The following SLC2A13 variants were observed in gnomAD, a reference collection of about 807,000 sequenced individuals.
SLC2A13 encodes proton myo-inositol cotransporter.
A neutral mutation model predicts 64.4 loss-of-function variants in SLC2A13; 32 were observed. The observed-to-expected ratio is 0.50, with a 90% CI of 0.37 to 0.67. The LOEUF (loss-of-function observed/expected upper bound fraction) is 0.67. Ranked by LOEUF, SLC2A13 falls within the 30% of genes least tolerant of loss-of-function variation. The pLI is 0.00. For missense variants in SLC2A13, 743 were observed against 829.2 expected (o/e 0.90, Z 1.28); for synonymous variants, 338 against 327.1 (o/e 1.03, Z -0.36).
rs139412041 is a variant in SLC2A13 at position 40,099,591 on chromosome 12, G to A, written c.556+5662C>T. 3.5e-4 allele frequency among the ~76,000 whole-genome samples: 54 copies of A among 152,252 alleles called. No individual in the cohort carries two copies. In the South Asian group the frequency reaches 4.6e-3, roughly 13 times the overall value. ...GCACAATGTTTTCCAAGGAAGTCAC[G>A]TGAACAATTTCACATAACTCACGTT... On this transcript the variant is annotated intron_variant, in intron 1 of 9. Transcript: ENST00000280871.
intron 2 of SLC2A13, among the ~76,000 whole-genome samples, chr12:40,039,248 GCCACACCAGCCTT>G (rs1948041456): frequency 1.3e-5 from 2 of 151,988 alleles, no homozygotes; most frequent in Admixed American, 6.5e-5. Flanking sequence ...TATTAATATA[GCCACACCAGCCTT>G]CCTATACTCA....
chr12:39,770,507 C>T lies in SLC2A13; in HGVS notation c.1446-5649G>A, dbSNP rs562394856. ...ATAACAGTTATGAACAAAATACCAA[C>T]CAGTGCATTTGTAGAACCTTGAGTT... On this transcript the variant is annotated intron_variant, in intron 7 of 9. Transcript: ENST00000280871. 2.6e-4 allele frequency among the ~76,000 whole-genome samples: 39 copies of T among 152,268 alleles called. No individual in the cohort carries two copies. In the South Asian group the frequency reaches 4.1e-3, roughly 16 times the overall value.
chr12:39,871,382 G>A (rs1314423276), intron 5 of SLC2A13, among the ~76,000 whole-genome samples: 2 of 151,722 alleles, frequency 1.3e-5, no homozygotes, highest in Admixed American at 1.3e-4. Context: ...AAAGAGCTTT[G>A]AAAAAATGCT....
At chr12:40,090,595 T>A (rs1433963382) in intron 1 of SLC2A13, among the ~76,000 whole-genome samples, 1 of 152,194 alleles carries the variant, frequency 6.6e-6, no homozygotes, top group Non-Finnish European at 1.5e-5. Context: ...ATATTCATGT[T>A]TATTTGAAAA....
intron 4 of SLC2A13, among the ~76,000 whole-genome samples, chr12:39,887,176 A>G (rs1944484511): frequency 6.6e-6 from 1 of 152,222 alleles, no homozygotes; most frequent in South Asian, 2.1e-4. Flanking sequence ...AAGTATTTTC[A>G]TTTTTGATAA....
chr12:40,074,471 ATTC>A (rs555571537), intron 1 of SLC2A13, among the ~76,000 whole-genome samples: 161 of 152,114 alleles, frequency 1.1e-3, no homozygotes, highest in African/African-American at 3.8e-3. Flanking sequence ...CCAGCCCCAT[ATTC>A]TTCATTTCTG....
chr12:39,889,987 T>C (rs1944564349), intron 4 of SLC2A13, among the ~76,000 whole-genome samples: 1 of 152,196 alleles, frequency 6.6e-6, no homozygotes, highest in South Asian at 2.1e-4. Context: ...ATTTTACACT[T>C]CTACATAGTA....
intron 7 of SLC2A13, among the ~76,000 whole-genome samples, chr12:39,801,338 TTAAAAAAAA>T (rs1446494789): frequency 1.1e-4 from 2 of 17,672 alleles, no homozygotes; most frequent in African/African-American, 4.7e-4. Flanking sequence ...AATGAGGAAA[TTAAAAAAAA>T]AAAAAAAAAA....
chr12:40,027,675 G>A (rs2073443077), intron 3 of SLC2A13, among the ~76,000 whole-genome samples: 1 of 152,192 alleles, frequency 6.6e-6, no homozygotes, highest in Non-Finnish European at 1.5e-5. Context: ...GCAAAAGGAA[G>A]CGCAAGAGAA....
intron 1 of SLC2A13, among the ~76,000 whole-genome samples, chr12:40,090,855 A>T (rs1938743604): frequency 6.6e-6 from 1 of 152,220 alleles, no homozygotes; most frequent in South Asian, 2.1e-4. Flanking sequence ...TATATTATCT[A>T]TGAAGAAGTA....
intron 3 of SLC2A13, among the ~76,000 whole-genome samples, chr12:39,989,506 A>G (rs763611260): frequency 2.6e-4 from 40 of 152,262 alleles, no homozygotes; most frequent in Middle Eastern, 3.4e-3. Flanking sequence ...AGTGCCCCCA[A>G]TGGTGCCTGG....
At chr12:39,956,149 A>C (rs1946311102) in intron 3 of SLC2A13, among the ~76,000 whole-genome samples, 1 of 152,166 alleles carries the variant, frequency 6.6e-6, no homozygotes, top group South Asian at 2.1e-4. Flanking sequence ...AATTCCCTAA[A>C]AGATACAATC....
chr12:39,821,078 GTACTATTA>G (rs1203524090), intron 7 of SLC2A13, among the ~76,000 whole-genome samples: 1 of 151,876 alleles, frequency 6.6e-6, no homozygotes, highest in Admixed American at 6.6e-5. Flanking sequence ...TCACTGCCCT[GTACTATTA>G]TTTGTTCAAT....
chr12:40,091,385 T>C (rs1467177855), intron 1 of SLC2A13, among the ~76,000 whole-genome samples: 1 of 152,190 alleles, frequency 6.6e-6, no homozygotes, highest in African/African-American at 2.4e-5. Context: ...GTTGACACTA[T>C]TGTTAAAACT....
In SLC2A13 at chr12:40,105,974, G is replaced by GC; in HGVS notation, c.-167_-166insG. The stretch of plus-strand genomic sequence containing the variant: ...AGCAGCCGCCGCCACGGCCGCTCCG[G>GC]GGAGAAAGTTGCTGCCCGCCGCGCT... On this transcript the variant is annotated 5_prime_UTR_variant, in exon 1 of 10. Transcript: ENST00000280871. This position sits in a 1 kb window ranked among gnomAD's most constrained non-coding sequence, Gnocchi z 4.2. The GC allele has an allele frequency of 1.2e-6, 1 of 838,774 alleles. No individual in the cohort carries two copies. The highest frequency in any genetic ancestry group is 1.6e-6 in the Non-Finnish European group (1 of 615,036). The allele number at this position is 838,774 out of a possible 1,614,324, so 52.0% of individuals were successfully genotyped here.
At position 39,915,371 on chromosome 12, in the gene SLC2A13, G is replaced by A. The variant is rs73092221; in HGVS notation, c.1034+35886C>T. Reference sequence around the variant, plus strand: ...TAACAGTGGCAGGAAAAGATTAAACGAAGCAATGTCAAGAGCACGGTTTAA... The same window carrying A: ...TAACAGTGGCAGGAAAAGATTAAACAAAGCAATGTCAAGAGCACGGTTTAA... On this transcript the variant is annotated intron_variant, in intron 4 of 9. Coordinates refer to ENST00000280871, the MANE Select transcript of SLC2A13 (RefSeq NM_052885.4). Among the ~76,000 whole-genome samples the A allele has an allele frequency of 3.9e-3, 589 of 151,974 alleles. 5 individuals carry two copies. Among genetic ancestry groups the A allele is most frequent in the Middle Eastern group, 0.01 (3 of 294 alleles).
chr12:39,878,156 T>C (rs1944239908), intron 4 of SLC2A13, among the ~76,000 whole-genome samples: 1 of 152,224 alleles, frequency 6.6e-6, no homozygotes, highest in South Asian at 2.1e-4. Flanking sequence ...ACCTCTTTTC[T>C]TCATAAATTA....
chr12:39,780,534 C>T (rs1399300193), intron 7 of SLC2A13, among the ~76,000 whole-genome samples: 6 of 152,202 alleles, frequency 3.9e-5, no homozygotes, highest in Admixed American at 2.0e-4. Context: ...GGCAGGTCTG[C>T]GCCTCTGTGT....
At chr12:39,947,120 A>T (rs1464552386) in intron 4 of SLC2A13, among the ~76,000 whole-genome samples, 1 of 152,194 alleles carries the variant, frequency 6.6e-6, no homozygotes, top group Admixed American at 6.5e-5. Flanking sequence ...CTCTGAGTTA[A>T]TAGAAGACAG....
Sources: allele counts gnomAD v4.1 joint callset (sites outside exome capture counted in the v4.1 genomes callset), GRCh38; gene constraint gnomAD v4.1.1; non-coding constraint Gnocchi (gnomAD v3.1); transcripts MANE v1.5; gene names NCBI Gene and HGNC (gene_info 2026-07-23, HGNC 2026-07-21).